The following ANKRD26 variants were observed in gnomAD, a reference collection of about 807,000 sequenced individuals.
The protein encoded by ANKRD26 is ankyrin repeat domain 26.
ANKRD26 carries 141 observed loss-of-function variants against 208.7 expected under a neutral mutation model. The observed-to-expected ratio is 0.68, with a 90% confidence interval of 0.59 to 0.78. The LOEUF (loss-of-function observed/expected upper bound fraction) is 0.78, where lower values mean the gene tolerates loss of function less well. ANKRD26 is among the 30% of genes least tolerant of loss of function. ANKRD26 has a pLI of 0.00. For missense variants in ANKRD26, 1,889 were observed against 1,938.7 expected (o/e 0.97, Z 0.48); for synonymous variants, 636 against 660.4 (o/e 0.96, Z 0.57).
Position 27,060,918 on chromosome 10 carries a change from G to A in ANKRD26, c.1462+226C>T, listed in dbSNP as rs113643367. ...AATGTCAAGGCTGATGGTAAAATGC[G>A]ACAGCATATCTTTAATGCAACACAT... On this transcript the variant is annotated intron_variant, in intron 13 of 33. Transcript: ENST00000376087. Among the ~76,000 whole-genome samples the A allele has an allele frequency of 7.3e-3, 1,113 of 152,248 alleles. 11 individuals carry two copies. The highest frequency in any genetic ancestry group is 0.018 in the African/African-American group (739 of 41,536).
intron 20 of ANKRD26, among the ~76,000 whole-genome samples, chr10:27,041,121 G>C (rs1223639991): frequency 6.6e-6 from 1 of 152,000 alleles, no homozygotes; most frequent in Non-Finnish European, 1.5e-5. Flanking sequence ...GAGTTTCTAG[G>C]TCATGATGCG....
At chr10:26,956,505 T>G in the ANKRD26 span, among the ~76,000 whole-genome samples, 1 of 152,150 alleles carries the variant, frequency 6.6e-6, no homozygotes, top group Non-Finnish European at 1.5e-5. Context: ...AGTAGCTCAC[T>G]TCTGTAATCG....
At chr10:26,970,353 T>C (rs917293588), downstream of ANKRD26, among the ~76,000 whole-genome samples, 2 of 152,164 alleles carry the variant, frequency 1.3e-5, no homozygotes, top group Admixed American at 6.5e-5. Flanking sequence ...GTCTTCACCA[T>C]AGTGAGTGTT....
downstream of ANKRD26, among the ~76,000 whole-genome samples, chr10:26,990,034 C>G (rs1186763557): frequency 1.3e-5 from 2 of 152,054 alleles, no homozygotes; most frequent in Non-Finnish European, 2.9e-5. Flanking sequence ...AGGTAGTCTT[C>G]CCCCATTTTG....
intron 12 of ANKRD26, chr10:27,061,956 A>C (rs917713235): frequency 4.1e-6 from 4 of 985,076 alleles, no homozygotes; most frequent in Admixed American, 6.2e-5. Context: ...CCTGCTTGCA[A>C]TAATCTCTGG....
chr10:27,027,508 G>T (rs1015433416), intron 27 of ANKRD26, among the ~76,000 whole-genome samples: 16 of 152,078 alleles, frequency 1.1e-4, no homozygotes, highest in African/African-American at 3.9e-4. Flanking sequence ...GAAATAATCC[G>T]AACGTCCATC....
At chr10:26,982,628 A>G (rs1363795142) in intron 4 of ANKRD26, among the ~76,000 whole-genome samples, 1 of 152,012 alleles carries the variant, frequency 6.6e-6, no homozygotes, top group Non-Finnish European at 1.5e-5. Flanking sequence ...GGAAAGAAGA[A>G]AAAAAGAAAA....
At position 26,996,284 on chromosome 10, in the gene ANKRD26, G is replaced by A. The variant is rs979341567; in HGVS notation, c.563-1137C>T. 3.9e-5 allele frequency among the ~76,000 whole-genome samples: 6 copies of A among 152,010 alleles called. No individual in the cohort carries two copies. In the South Asian group the frequency reaches 6.2e-4, roughly 16 times the overall value. ...AAATATAGTGAGAAAAAAAAAGGCC[G>A]GGCACAGTGGCTCATGCCTGTAATC... On this transcript the variant is annotated intron_variant, in intron 4 of 5. Transcript: ENST00000445828.
At chr10:26,949,677 GTAT>G in the ANKRD26 span, among the ~76,000 whole-genome samples, 1 of 151,942 alleles carries the variant, frequency 6.6e-6, no homozygotes, top group Non-Finnish European at 1.5e-5. Flanking sequence ...GCTAATTTTT[GTAT>G]TTTTAGTAGA....
At chr10:27,047,766 T>A (rs1045526652) in intron 17 of ANKRD26, among the ~76,000 whole-genome samples, 1 of 151,008 alleles carries the variant, frequency 6.6e-6, no homozygotes, top group African/African-American at 2.4e-5. Context: ...TTATTGGAGA[T>A]GGAGTCTCGC....
At position 27,004,822 on chromosome 10, in the gene ANKRD26, T is replaced by G. The variant is rs2052813413; in HGVS notation, c.*768A>C. ...ATACAAGCCATGGATTAGAATGGGA[T>G]CCTTTTGCTATAAAGGACATTACAG... On this transcript the variant is annotated 3_prime_UTR_variant, in exon 34 of 34. Transcript: ENST00000376087. 1 of 156,528 alleles carries G rather than the reference T, an allele frequency of 6.4e-6. No individual in the cohort carries two copies. The highest frequency in any genetic ancestry group is 1.4e-5 in the Non-Finnish European group (1 of 72,076). 9.7% of individuals were successfully genotyped at this position (156,528 alleles called of 1,614,324 possible). A position where few individuals can be genotyped will look rare whatever the true frequency, so the allele number is the denominator to read the frequency against.
intron 12 of ANKRD26, among the ~76,000 whole-genome samples, chr10:27,062,903 G>C (rs2055112733): frequency 6.6e-6 from 1 of 151,820 alleles, no homozygotes; most frequent in African/African-American, 2.4e-5. Context: ...AAGTAGCTAG[G>C]ATTACAGGCA....
downstream of ANKRD26, among the ~76,000 whole-genome samples, chr10:26,972,504 T>C (rs2052164479): frequency 6.6e-6 from 1 of 151,892 alleles, no homozygotes; most frequent in Non-Finnish European, 1.5e-5. Flanking sequence ...CGCTTCTTGC[T>C]AGACTCGTTC....
Position 27,033,468 on chromosome 10 carries a change from C to T in ANKRD26, c.3655-91G>A, listed in dbSNP as rs192339311. The T allele has an allele frequency of 3.6e-4, 460 of 1,283,228 alleles. 1 individual carries two copies. Among genetic ancestry groups the T allele is most frequent in the Non-Finnish European group, 4.6e-4 (427 of 925,104 alleles). 79.5% of individuals were successfully genotyped at this position (1,283,228 alleles called of 1,614,324 possible). On this transcript the variant is annotated intron_variant, in intron 24 of 33. Coordinates refer to ENST00000376087, the MANE Select transcript of ANKRD26 (RefSeq NM_014915.3). ...TTATGTTAATAATATTTAACTATGA[C>T]ATATACAACTTAAAAAATATTACCA...
chr10:27,013,763 G>A (rs1295896730), intron 31 of ANKRD26, among the ~76,000 whole-genome samples: 3 of 152,148 alleles, frequency 2.0e-5, no homozygotes, highest in East Asian at 1.9e-4. Flanking sequence ...GCAAAAAATT[G>A]TAGGGGAAAA....
intron 9 of ANKRD26, among the ~76,000 whole-genome samples, chr10:27,073,417 CCCT>C (rs2055576781): frequency 6.6e-6 from 1 of 152,162 alleles, no homozygotes; most frequent in Admixed American, 6.6e-5. Flanking sequence ...GGACCACAAT[CCCT>C]CTCTATATGG....
intron 30 of ANKRD26, among the ~76,000 whole-genome samples, chr10:27,016,831 CTTTACT>C (rs2053310006): frequency 6.6e-6 from 1 of 150,918 alleles, no homozygotes; most frequent in Non-Finnish European, 1.5e-5. Context: ...TATTTTTTTC[CTTTACT>C]TTTGAGTTAG....
chr10:27,003,337 C>T (rs373395222), downstream of ANKRD26, among the ~76,000 whole-genome samples: 1 of 152,066 alleles, frequency 6.6e-6, no homozygotes, highest in Non-Finnish European at 1.5e-5. Context: ...TTCCCTTCTC[C>T]CCCTATTTGT....
intron 16 of ANKRD26, among the ~76,000 whole-genome samples, chr10:27,049,344 C>A (rs1034338040): frequency 6.6e-6 from 1 of 152,176 alleles, no homozygotes; most frequent in Admixed American, 6.5e-5. Context: ...AAGACAAAGA[C>A]ACAAGATGCA....
Sources: gnomAD v4.1 joint callset for allele counts (sites outside exome capture counted in the v4.1 genomes callset) on GRCh38, gnomAD v4.1.1 for gene constraint, MANE v1.5 for transcripts, NCBI Gene and HGNC (gene_info 2026-07-23, HGNC 2026-07-21) for gene names.